Variants in CLSTN2 observed in about 807,000 individuals in gnomAD.
CLSTN2 encodes calsyntenin 2.
A neutral mutation model predicts 101.2 loss-of-function variants in CLSTN2; 48 were observed. That is an observed-to-expected ratio of 0.47 (90% CI 0.38 to 0.60). CLSTN2 has a LOEUF of 0.60. Among genes scored for constraint, CLSTN2 ranks in the 20% least tolerant of loss-of-function variants. The pLI is 0.00. For synonymous variants in CLSTN2, 481 were observed against 463.6 expected (o/e 1.04, Z -0.48); for missense variants, 1,160 against 1,238.2 (o/e 0.94, Z 0.95).
intron 2 of CLSTN2, among the ~76,000 whole-genome samples, chr3:140,388,201 T>C (rs1008891721): frequency 2.8e-4 from 43 of 152,204 alleles, no homozygotes; most frequent in African/African-American, 1.0e-3. Context: ...TCACTGGTGA[T>C]GTGAAAGGAG....
chr3:139,955,756 C>T (rs188152803), intron 1 of CLSTN2, among the ~76,000 whole-genome samples: 1 of 152,288 alleles, frequency 6.6e-6, no homozygotes, highest in Non-Finnish European at 1.5e-5. Context: ...CTGACCTTGA[C>T]ATTAGCTACA....
At chr3:140,157,236 T>C (rs2009969971) in intron 1 of CLSTN2, among the ~76,000 whole-genome samples, 1 of 152,190 alleles carries the variant, frequency 6.6e-6, no homozygotes, top group African/African-American at 2.4e-5. Flanking sequence ...TTCCAGATTT[T>C]CCTATTAGTC....
intron 1 of CLSTN2, among the ~76,000 whole-genome samples, chr3:139,994,082 C>T (rs1345163278): frequency 6.6e-6 from 1 of 152,162 alleles, no homozygotes; most frequent in Non-Finnish European, 1.5e-5. Context: ...TCTCTCTCCC[C>T]AGGGATGATA....
In CLSTN2 at chr3:140,045,006, C is replaced by T. The variant is rs530050916; in HGVS notation, c.109+109523C>T. Reference sequence around the variant, plus strand: ...CTAAAATTATCTTTTTTGGTTGTGTCTCTGCCAGGCTTCGGTATCAGGATG... The same window carrying T: ...CTAAAATTATCTTTTTTGGTTGTGTTTCTGCCAGGCTTCGGTATCAGGATG... On this transcript the variant is annotated intron_variant, in intron 1 of 16. Coordinates refer to ENST00000458420, the MANE Select transcript of CLSTN2 (RefSeq NM_022131.3). Among the ~76,000 whole-genome samples, 12 of 152,252 alleles carry T rather than the reference C, an allele frequency of 7.9e-5. 1 individual carries two copies. Among genetic ancestry groups the T allele is most frequent in the Middle Eastern group, 6.8e-3 (2 of 294 alleles).
intron 2 of CLSTN2, among the ~76,000 whole-genome samples, chr3:140,249,688 G>A (rs2086545589): frequency 6.6e-6 from 1 of 152,158 alleles, no homozygotes; most frequent in South Asian, 2.1e-4. Context: ...TTGTACTTTA[G>A]ACTGTTTAAT....
intron 1 of CLSTN2, among the ~76,000 whole-genome samples, chr3:140,009,071 T>C (rs1422721593): frequency 6.6e-6 from 1 of 152,260 alleles, no homozygotes; most frequent in Non-Finnish European, 1.5e-5. Flanking sequence ...ATGTGCAGTG[T>C]TACAGATAGC....
chr3:140,225,651 C>A (rs945423514), intron 2 of CLSTN2, among the ~76,000 whole-genome samples: 14 of 152,070 alleles, frequency 9.2e-5, no homozygotes, highest in African/African-American at 3.4e-4. Flanking sequence ...GTGTGTGCTG[C>A]CATGCCCAGC....
In CLSTN2 at chr3:140,025,924, C is replaced by T. The variant is rs73867272; in HGVS notation, c.109+90441C>T. Among the ~76,000 whole-genome samples, 776 of 152,246 alleles carry T rather than the reference C, an allele frequency of 5.1e-3. 12 individuals are homozygous for T. The highest frequency in any genetic ancestry group is 0.018 in the African/African-American group (741 of 41,542). Reference sequence around the variant, plus strand: ...GATAGTGGGAACTGAGCAAGTACCGCGCATGTGGAGTCAAGGGCTCTGTGG... The same window carrying T: ...GATAGTGGGAACTGAGCAAGTACCGTGCATGTGGAGTCAAGGGCTCTGTGG... On this transcript the variant is annotated intron_variant, in intron 1 of 16. Coordinates refer to ENST00000458420, the MANE Select transcript of CLSTN2 (RefSeq NM_022131.3).
At chr3:140,210,679 C>T (rs758643164) in intron 2 of CLSTN2, among the ~76,000 whole-genome samples, 12 of 152,098 alleles carry the variant, frequency 7.9e-5, no homozygotes, top group African/African-American at 4.8e-5. Context: ...GACCAGTCTT[C>T]GCACCATCCC....
intron 2 of CLSTN2, among the ~76,000 whole-genome samples, chr3:140,265,327 G>C (rs987706571): frequency 2.0e-5 from 3 of 152,168 alleles, no homozygotes; most frequent in Non-Finnish European, 2.9e-5. Context: ...AAGCCCGGAG[G>C]AGGAGCCCCA....
chr3:140,555,562 TA>T (rs1935775852), intron 10 of CLSTN2, among the ~76,000 whole-genome samples: 1 of 152,184 alleles, frequency 6.6e-6, no homozygotes. Flanking sequence ...TTCAAAAGGG[TA>T]AATACTTTTA....
intron 1 of CLSTN2, 22 bp from the exon 2 acceptor site, chr3:140,175,929 T>A (rs1459648718): frequency 6.2e-7 from 1 of 1,603,322 alleles, no homozygotes. Flanking sequence ...ATCCTTTTTG[T>A]TTTTTCCCCC....
rs755971554 is a variant in CLSTN2 at position 140,403,656 on chromosome 3, G to A, written c.260G>A (p.Gly87Asp). Residue 87 changes from glycine to aspartate, a missense_variant, in exon 3 of 17, where the codon GGC (glycine) becomes GAC (aspartate). Transcript: ENST00000458420. ...AGEICAFKIH[G>D]QELPFEAVVL... Reference sequence around the variant, plus strand: ...GAAATCTGTGCGTTCAAGATCCATGGCCAGGAGCTGCCCTTTGAGGCTGTG... The same window carrying A: ...GAAATCTGTGCGTTCAAGATCCATGACCAGGAGCTGCCCTTTGAGGCTGTG... The A allele has an allele frequency of 6.2e-7, 1 of 1,613,388 alleles. No individual in the cohort carries two copies. The highest frequency in any genetic ancestry group is 1.1e-5 in the South Asian group (1 of 90,932).
intron 16 of CLSTN2, among the ~76,000 whole-genome samples, chr3:140,564,858 G>A (rs1185305139): frequency 6.6e-6 from 1 of 152,186 alleles, no homozygotes; most frequent in East Asian, 1.9e-4. Context: ...GTCAAAGGAA[G>A]CCCTCTACAT....
intron 1 of CLSTN2, among the ~76,000 whole-genome samples, chr3:140,125,598 G>A (rs571118852): frequency 6.6e-6 from 1 of 152,184 alleles, no homozygotes; most frequent in African/African-American, 2.4e-5. Context: ...TAAATAGAGA[G>A]GAAGGTGTGA....
chr3:140,469,113 C>T (rs764539436), intron 8 of CLSTN2, among the ~76,000 whole-genome samples: 1 of 152,148 alleles, frequency 6.6e-6, no homozygotes, highest in East Asian at 1.9e-4. Context: ...CCAGCCCTAT[C>T]GAAATAGTGG....
At chr3:139,984,994 A>T (rs997975448) in intron 1 of CLSTN2, among the ~76,000 whole-genome samples, 3 of 152,184 alleles carry the variant, frequency 2.0e-5, no homozygotes, top group African/African-American at 7.2e-5. Context: ...TAACAATGCC[A>T]TCAGCTTCAT....
intron 1 of CLSTN2, among the ~76,000 whole-genome samples, chr3:139,964,578 G>A (rs990707675): frequency 6.6e-6 from 1 of 152,028 alleles, no homozygotes; most frequent in Non-Finnish European, 1.5e-5. Flanking sequence ...GGGGTCAAGG[G>A]GCCAAGCTGC....
intron 2 of CLSTN2, among the ~76,000 whole-genome samples, chr3:140,324,509 AAGT>A (rs745563272): frequency 6.6e-6 from 1 of 152,244 alleles, no homozygotes; most frequent in Non-Finnish European, 1.5e-5. Flanking sequence ...TGCTATCAGA[AAGT>A]AGACCAAAAT....
Sources: gnomAD v4.1 joint callset for allele counts (sites outside exome capture counted in the v4.1 genomes callset) on GRCh38, gnomAD v4.1.1 for gene constraint, MANE v1.5 for transcripts, NCBI Gene and HGNC (gene_info 2026-07-23, HGNC 2026-07-21) for gene names.